MARCHF7: variants seen among roughly 807,000 people sequenced by gnomAD.
MARCHF7 encodes the protein membrane associated ring-CH-type finger 7.
In MARCHF7, 20 loss-of-function variants were observed where a neutral mutation model predicts 76.5. That is an observed-to-expected ratio of 0.26 (90% CI 0.18 to 0.38). The LOEUF (loss-of-function observed/expected upper bound fraction) is 0.38. Among genes scored for constraint, MARCHF7 ranks in the 10% least tolerant of loss-of-function variants. The pLI is 1.00. For missense variants in MARCHF7, 797 were observed against 812.9 expected (o/e 0.98, Z 0.24); for synonymous variants, 295 against 293.0 (o/e 1.01, Z -0.07).
Position 159,767,329 on chromosome 2 carries a change from T to G in MARCHF7, c.2102T>G (p.Phe701Cys). The change falls in exon 12 of 12, where the codon TTT (phenylalanine) becomes TGT (cysteine). Residue 701 changes from phenylalanine (F) to cysteine (C), a missense_variant. By Grantham distance (205) the Phe-to-Cys change is radical (BLOSUM62 -2). Around this residue, in one of 3 missense-constraint regions of MARCHF7, gnomAD observed 124 missense variants for 121.3 expected, o/e 1.02. Coordinates refer to ENST00000409175, the MANE Select transcript of MARCHF7 (RefSeq NM_001282805.2). ...GAAGACGGAGACCATAACAGGACAT[T>G]TGATATTGCCTAACTTCATATAAGA... Reference protein sequence around the residue: ...SEEDGDHNRTFDIA With the variant: ...SEEDGDHNRTCDIA 1 of 1,611,006 alleles carries G rather than the reference T, an allele frequency of 6.2e-7. No homozygotes were observed. The highest frequency in any genetic ancestry group is 8.5e-7 in the Non-Finnish European group (1 of 1,177,576).
At chr2:159,751,778 G>A (rs1356703469) in intron 7 of MARCHF7, among the ~76,000 whole-genome samples, 2 of 152,198 alleles carry the variant, frequency 1.3e-5, no homozygotes, top group Non-Finnish European at 2.9e-5. Flanking sequence ...AATAGAGGAC[G>A]TAGGTTAATG....
At chr2:159,730,061 A>T (rs1361369935) in intron 4 of MARCHF7, among the ~76,000 whole-genome samples, 1 of 152,318 alleles carries the variant, frequency 6.6e-6, no homozygotes, top group Admixed American at 6.5e-5. Context: ...AGTTTTCGTT[A>T]GGACCACAAG....
At chr2:159,735,618 A>C (rs1344299370) in intron 4 of MARCHF7, among the ~76,000 whole-genome samples, 3 of 152,186 alleles carry the variant, frequency 2.0e-5, no homozygotes, top group Non-Finnish European at 4.4e-5. Context: ...TTGACTTAGC[A>C]TATTTTCAGT....
At position 159,767,940 on chromosome 2, in the gene MARCHF7, AAG is replaced by A. The variant is rs1707974495; in HGVS notation, c.*599_*600del. 6.6e-6 allele frequency: 1 copy of A among 152,534 alleles called. No individual in the cohort carries two copies. The highest frequency in any genetic ancestry group is 1.5e-5 in the Non-Finnish European group (1 of 67,974). 9.4% of individuals were successfully genotyped at this position (152,534 alleles called of 1,614,324 possible). On this transcript the variant is annotated 3_prime_UTR_variant, in exon 12 of 12. Coordinates refer to ENST00000409175, the MANE Select transcript of MARCHF7 (RefSeq NM_001282805.2). ...CTAGCAATAAAATCTAATTTTTAAA[AAG>A]TATATAAATATAAAATGTATAAATG...
intron 8 of MARCHF7, among the ~76,000 whole-genome samples, chr2:159,754,755 T>G (rs1706081583): frequency 6.6e-6 from 1 of 152,182 alleles, no homozygotes; most frequent in African/African-American, 2.4e-5. Flanking sequence ...AGTGTTGATA[T>G]GGGTGTTGAT....
intron 3 of MARCHF7, among the ~76,000 whole-genome samples, chr2:159,718,377 A>G (rs1047963678): frequency 6.6e-6 from 1 of 152,186 alleles, no homozygotes; most frequent in Non-Finnish European, 1.5e-5. Flanking sequence ...ATACATTAAC[A>G]TACAGGAAAA....
intron 3 of MARCHF7, among the ~76,000 whole-genome samples, chr2:159,727,548 A>C (rs1490665867): frequency 6.6e-6 from 1 of 152,200 alleles, no homozygotes; most frequent in Non-Finnish European, 1.5e-5. Flanking sequence ...AGATCGTGCC[A>C]CTTCACTCTA....
At chr2:159,729,688 C>G (rs1702558375) in intron 4 of MARCHF7, among the ~76,000 whole-genome samples, 1 of 150,264 alleles carries the variant, frequency 6.7e-6, no homozygotes, top group Non-Finnish European at 1.5e-5. Context: ...AAAAAAAATG[C>G]TTTCCAAAGA....
chr2:159,764,846 T>G (rs1318342268), intron 11 of MARCHF7, among the ~76,000 whole-genome samples, 172 bp downstream of exon 11: 4 of 151,746 alleles, frequency 2.6e-5, no homozygotes, highest in Non-Finnish European at 4.4e-5. Flanking sequence ...ATTAGTTGTT[T>G]TTTTTTTTAA....
At chr2:159,750,260 G>T (rs1002116478) in intron 7 of MARCHF7, among the ~76,000 whole-genome samples, 2 of 152,138 alleles carry the variant, frequency 1.3e-5, no homozygotes, top group Non-Finnish European at 2.9e-5. Flanking sequence ...GGGCGCAGTG[G>T]TTCACGCTGT....
Position 159,770,591 on chromosome 2 carries a change from A to C in MARCHF7, c.*3249A>C, listed in dbSNP as rs1267830734. ...GAGGGATTACTTTTCTTTGAGCCTC[A>C]GACTTCTAGACAGTATACTTCAGTC... On this transcript the variant is annotated 3_prime_UTR_variant, in exon 12 of 12. Transcript: ENST00000409175. The C allele has an allele frequency of 1.3e-5, 2 of 152,226 alleles. No homozygotes were observed. Among genetic ancestry groups the C allele is most frequent in the Admixed American group, 1.3e-4 (2 of 15,282 alleles). The allele number at this position is 152,226 out of a possible 1,614,324, so 9.4% of individuals were successfully genotyped here.
At chr2:159,733,791 A>T in intron 4 of MARCHF7, 2 of 985,428 alleles carry the variant, frequency 2.0e-6, no homozygotes, top group Non-Finnish European at 2.4e-6. Context: ...GTGTCAGTTC[A>T]TCGATAAGGT....
At chr2:159,733,209 T>C in intron 4 of MARCHF7, 1 of 861,966 alleles carries the variant, frequency 1.2e-6, no homozygotes, top group Non-Finnish European at 1.4e-6. Context: ...TTTAGCATTG[T>C]TAAGATTACT....
intron 3 of MARCHF7, among the ~76,000 whole-genome samples, chr2:159,719,927 C>A (rs1254404309): frequency 6.6e-6 from 1 of 152,068 alleles, no homozygotes; most frequent in Non-Finnish European, 1.5e-5. Context: ...ATGGATATGA[C>A]CTTTATTATT....
At chr2:159,719,609 T>C (rs987250970) in intron 3 of MARCHF7, among the ~76,000 whole-genome samples, 1 of 152,172 alleles carries the variant, frequency 6.6e-6, no homozygotes, top group Non-Finnish European at 1.5e-5. Flanking sequence ...TTTGAGGGGA[T>C]TTTTTTCTAG....
At chr2:159,727,095 A>G (rs72996609) in intron 3 of MARCHF7, among the ~76,000 whole-genome samples, 9,757 of 152,302 alleles carry the variant, frequency 0.064, 408 homozygotes, top group Non-Finnish European at 0.097. Context: ...TGAGTGATGC[A>G]TAACTATGCA....
At chr2:159,757,040 C>G (rs1706416597) in intron 8 of MARCHF7, among the ~76,000 whole-genome samples, 2 of 152,038 alleles carry the variant, frequency 1.3e-5, no homozygotes, top group African/African-American at 4.8e-5. Flanking sequence ...ATTATAGGTG[C>G]ACACCACCAC....
At chr2:159,760,604 C>T (rs184282822) in intron 9 of MARCHF7, among the ~76,000 whole-genome samples, 3 of 152,112 alleles carry the variant, frequency 2.0e-5, no homozygotes, top group South Asian at 2.1e-4. Flanking sequence ...AATATAAATA[C>T]ATAACTTGTC....
Position 159,762,964 on chromosome 2 carries a change from A to G in MARCHF7, c.1978A>G (p.Asn660Asp). The G allele has an allele frequency of 6.2e-7, 1 of 1,612,686 alleles. No individual in the cohort carries two copies. Among genetic ancestry groups the G allele is most frequent in the Non-Finnish European group, 8.5e-7 (1 of 1,179,498 alleles). Residue 660 changes from asparagine (N) to aspartate (D), a missense_variant, in exon 10 of 12, where the codon AAT becomes GAT. By Grantham distance (23) the Asn-to-Asp change is conservative. Transcript: ENST00000409175. ...CEQSFSDMMG[N>D]TNEPSTRVRF... is the part of the protein sequence containing the mutation. Reference sequence around the variant, plus strand: ...ACAAAGCTTTTCTGATATGATGGGAAATACAAATGAACCAAGCACACGTGT... The same window carrying G: ...ACAAAGCTTTTCTGATATGATGGGAGATACAAATGAACCAAGCACACGTGT...
Sources: gnomAD v4.1 joint callset for allele counts (sites outside exome capture counted in the v4.1 genomes callset) on GRCh38, gnomAD v4.1.1 for gene constraint, gnomAD v4.1.1 regional missense constraint, MANE v1.5 for transcripts, NCBI Gene and HGNC (gene_info 2026-07-23, HGNC 2026-07-21) for gene names.